The following CEP128 variants were observed in gnomAD, a reference collection of about 807,000 sequenced individuals.
CEP128 encodes centrosomal protein 128.
CEP128 carries 132 observed loss-of-function variants against 156.7 expected under a neutral mutation model. That is an observed-to-expected ratio of 0.84 (90% CI 0.73 to 0.97). The LOEUF (loss-of-function observed/expected upper bound fraction) is 0.97, where lower values mean the gene tolerates loss of function less well. Among genes scored for constraint, CEP128 ranks in the 50% least tolerant of loss-of-function variants. CEP128 has a pLI of 0.00. For synonymous variants in CEP128, 469 were observed against 448.9 expected (o/e 1.04, Z -0.57); for missense variants, 1,252 against 1,281.9 (o/e 0.98, Z 0.36).
At chr14:80,505,218 G>T (rs1887917893) in intron 23 of CEP128, among the ~76,000 whole-genome samples, 198 bp from the exon 24 acceptor site, 4 of 152,176 alleles carry the variant, frequency 2.6e-5, no homozygotes. Context: ...ATCACCCATT[G>T]CTATAGCAAC....
At chr14:80,951,328 G>A (rs1221693440) in intron 2 of CEP128, among the ~76,000 whole-genome samples, 2 of 152,076 alleles carry the variant, frequency 1.3e-5, no homozygotes, top group African/African-American at 4.8e-5. Context: ...AAAATGTATG[G>A]CGATGGAAGC....
At chr14:80,603,583 C>T (rs533287963) in intron 19 of CEP128, among the ~76,000 whole-genome samples, 1 of 152,292 alleles carries the variant, frequency 6.6e-6, no homozygotes, top group South Asian at 2.1e-4. Flanking sequence ...GGATCAGTCA[C>T]ATGGGTCTAC....
chr14:80,840,492 CA>C (rs1207824994), intron 10 of CEP128, among the ~76,000 whole-genome samples, 189 bp downstream of exon 10: 1 of 152,076 alleles, frequency 6.6e-6, no homozygotes, highest in Non-Finnish European at 1.5e-5. Context: ...AGGTAGCAAA[CA>C]ACTTGCTTAT....
At chr14:80,618,989 A>G (rs1893348286) in intron 19 of CEP128, among the ~76,000 whole-genome samples, 2 of 152,222 alleles carry the variant, frequency 1.3e-5, no homozygotes, top group Admixed American at 1.3e-4. Context: ...TCCCTGATCC[A>G]GGGAGATGAT....
chr14:80,533,896 T>C (rs1354692299), intron 21 of CEP128, among the ~76,000 whole-genome samples: 1 of 152,208 alleles, frequency 6.6e-6, no homozygotes, highest in Non-Finnish European at 1.5e-5. Flanking sequence ...ATAGATGGCA[T>C]ACGTCCTGTT....
chr14:80,764,145 A>C lies in CEP128; in HGVS notation c.2377-2532T>G, dbSNP rs184791589. ...CTACTTCAATCTTTTGATATTCTTG[A>C]GAATGTTGATATTGTCAGAAAAATC... is the stretch of plus-strand genomic sequence containing the variant. On this transcript the variant is annotated intron_variant, in intron 16 of 24. Coordinates refer to ENST00000555265, the MANE Select transcript of CEP128 (RefSeq NM_152446.5). 3.0e-3 allele frequency among the ~76,000 whole-genome samples: 462 copies of C among 152,278 alleles called. 1 individual carries two copies. Among genetic ancestry groups the C allele is most frequent in the Non-Finnish European group, 4.0e-3 (270 of 68,022 alleles).
chr14:80,777,253 G>A (rs755205836), intron 16 of CEP128, among the ~76,000 whole-genome samples: 1 of 152,086 alleles, frequency 6.6e-6, no homozygotes, highest in Non-Finnish European at 1.5e-5. Context: ...GATTTGGGAG[G>A]TGAATGGGTA....
At chr14:80,872,889 AATT>A (rs1888096764) in intron 8 of CEP128, among the ~76,000 whole-genome samples, 3 of 152,216 alleles carry the variant, frequency 2.0e-5, no homozygotes, top group Non-Finnish European at 4.4e-5. Flanking sequence ...AGACCTTCTT[AATT>A]CCAACAATGT....
chr14:80,537,817 G>T, intron 21 of CEP128, among the ~76,000 whole-genome samples: 1 of 152,142 alleles, frequency 6.6e-6, no homozygotes, highest in Non-Finnish European at 1.5e-5. Flanking sequence ...TCCCAAACAC[G>T]TGTAACCAGC....
chr14:80,745,120 G>C (rs1036759719), intron 18 of CEP128, among the ~76,000 whole-genome samples: 3 of 152,050 alleles, frequency 2.0e-5, no homozygotes, highest in African/African-American at 7.3e-5. Context: ...TGGATCATGC[G>C]GGCAGTTTCC....
At chr14:80,950,613 T>A (rs1205892658) in intron 2 of CEP128, among the ~76,000 whole-genome samples, 1 of 152,086 alleles carries the variant, frequency 6.6e-6, no homozygotes, top group Non-Finnish European at 1.5e-5. Context: ...GAAAAATAAT[T>A]TTTTACTGAG....
At chr14:80,711,331 GTGTC>G (rs896472602) in intron 19 of CEP128, among the ~76,000 whole-genome samples, 4 of 146,908 alleles carry the variant, frequency 2.7e-5, no homozygotes, top group African/African-American at 7.5e-5. Context: ...GTGTGTGTGT[GTGTC>G]TATATGTCTG....
At chr14:80,886,184 A>C (rs1186875295) in intron 8 of CEP128, among the ~76,000 whole-genome samples, 6 of 152,138 alleles carry the variant, frequency 3.9e-5, no homozygotes, top group Non-Finnish European at 1.5e-5. Flanking sequence ...GGGGAGAATG[A>C]AACCAAGTTG....
chr14:80,505,142 ATATAAT>A (rs1373932173), intron 23 of CEP128, 122 bp from the exon 24 acceptor site: 2 of 371,478 alleles, frequency 5.4e-6, no homozygotes, highest in Non-Finnish European at 4.9e-6. Context: ...GCACAATTTA[ATATAAT>A]TATAATCACT....
chr14:80,527,101 T>G (rs1889009386), intron 22 of CEP128, 119 bp from the exon 23 acceptor site: 1 of 587,182 alleles, frequency 1.7e-6, no homozygotes, highest in Non-Finnish European at 3.0e-6. Flanking sequence ...TTACAAAAAT[T>G]TAGAGATATA....
At chr14:80,699,047 T>C (rs987220783) in intron 19 of CEP128, among the ~76,000 whole-genome samples, 3 of 152,114 alleles carry the variant, frequency 2.0e-5, no homozygotes, top group Admixed American at 6.6e-5. Flanking sequence ...GGGAGAGAAA[T>C]AATGTCAGAG....
chr14:80,853,719 G>C (rs1424813968), intron 9 of CEP128, among the ~76,000 whole-genome samples: 1 of 151,884 alleles, frequency 6.6e-6, no homozygotes. Flanking sequence ...AATAGGACAA[G>C]AGATTTTCAT....
At chr14:80,906,131 C>G in intron 4 of CEP128, 50 bp from the exon 5 acceptor site, 1 of 1,359,866 alleles carries the variant, frequency 7.4e-7, no homozygotes, top group Non-Finnish European at 9.8e-7. Flanking sequence ...TAAACAACTT[C>G]CAAATACAAA....
chr14:80,596,599 G>A (rs997175954), intron 19 of CEP128, among the ~76,000 whole-genome samples: 7 of 151,756 alleles, frequency 4.6e-5, no homozygotes, highest in South Asian at 2.1e-4. Context: ...ACTTGAGCCC[G>A]GAAGGTTGAG....
Sources: allele counts gnomAD v4.1 joint callset (sites outside exome capture counted in the v4.1 genomes callset), GRCh38; gene constraint gnomAD v4.1.1; transcripts MANE v1.5; gene names NCBI Gene and HGNC (gene_info 2026-07-23, HGNC 2026-07-21).